RPS6KA2: variants seen among roughly 807,000 people sequenced by gnomAD.
The protein encoded by RPS6KA2 is ribosomal protein S6 kinase alpha-2.
A neutral mutation model predicts 91.8 loss-of-function variants in RPS6KA2; 42 were observed. The observed-to-expected ratio is 0.46, with a 90% confidence interval of 0.36 to 0.59. The LOEUF (loss-of-function observed/expected upper bound fraction) is 0.59. Among genes scored for constraint, RPS6KA2 ranks in the 20% least tolerant of loss-of-function variants. The pLI, the probability that RPS6KA2 is intolerant of heterozygous loss-of-function variation, is 0.00. For missense variants in RPS6KA2, 798 were observed against 978.5 expected (o/e 0.82, Z 2.46); for synonymous variants, 414 against 393.6 (o/e 1.05, Z -0.61).
At chr6:166,794,346 G>C (rs1307297074) in intron 2 of RPS6KA2, among the ~76,000 whole-genome samples, 29 of 152,074 alleles carry the variant, frequency 1.9e-4, no homozygotes, top group Non-Finnish European at 2.8e-4. Flanking sequence ...ATTAAAAAGT[G>C]AGGAAACAAC....
intron 1 of RPS6KA2, among the ~76,000 whole-genome samples, chr6:166,592,546 G>A (rs1331811229): frequency 2.6e-5 from 4 of 152,140 alleles, no homozygotes; most frequent in Non-Finnish European, 5.9e-5. Flanking sequence ...CCATTCTGCT[G>A]TAATGCCTGA....
At chr6:166,640,491 G>T (rs991674166) in intron 2 of RPS6KA2, among the ~76,000 whole-genome samples, 1 of 152,180 alleles carries the variant, frequency 6.6e-6, no homozygotes, top group African/African-American at 2.4e-5. Flanking sequence ...CTCATCAGGG[G>T]AGCTCGGGAG....
At chr6:166,754,488 C>G (rs2128600266) in intron 2 of RPS6KA2, among the ~76,000 whole-genome samples, 1 of 152,270 alleles carries the variant, frequency 6.6e-6, no homozygotes, top group East Asian at 1.9e-4. Flanking sequence ...TTCCCGTGGG[C>G]CCTGCTGCAC....
intron 2 of RPS6KA2, chr6:166,702,200 A>C: frequency 4.4e-6 from 7 of 1,607,238 alleles, no homozygotes; most frequent in Non-Finnish European, 6.0e-6. Flanking sequence ...TTTTCCTATA[A>C]TGGCTCCAAC....
At chr6:166,588,780 C>T (rs1785267839) in intron 1 of RPS6KA2, among the ~76,000 whole-genome samples, 1 of 152,212 alleles carries the variant, frequency 6.6e-6, no homozygotes, top group African/African-American at 2.4e-5. Context: ...CGAAGAGAGT[C>T]CAGCTGGGCA....
At chr6:166,506,563 A>G (rs1287697803) in intron 5 of RPS6KA2, among the ~76,000 whole-genome samples, 1 of 152,180 alleles carries the variant, frequency 6.6e-6, no homozygotes, top group African/African-American at 2.4e-5. Flanking sequence ...GCCTTTGTGT[A>G]GAGCTTGGAT....
chr6:166,862,067 C>T (rs1291216672), intron 1 of RPS6KA2: 2 of 1,613,742 alleles, frequency 1.2e-6, no homozygotes, highest in African/African-American at 1.3e-5. Flanking sequence ...AGTTCGGATT[C>T]TTGAGGATGC....
At position 166,733,761 on chromosome 6, in the gene RPS6KA2, A is replaced by G. The variant is rs1790598174; in HGVS notation, c.123+124439T>C. Among the ~76,000 whole-genome samples the G allele has an allele frequency of 6.6e-6, 1 of 152,200 alleles. No individual in the cohort carries two copies. The highest frequency in any genetic ancestry group is 2.4e-5 in the African/African-American group (1 of 41,452). ...AGTGGAGGCTGCCCTGGTAGGTGCCATCCCTAAACTGTTTGGGAGAGAAGA... is the reference window on the plus strand; with the variant it reads ...AGTGGAGGCTGCCCTGGTAGGTGCCGTCCCTAAACTGTTTGGGAGAGAAGA... On this transcript the variant is annotated intron_variant, in intron 2 of 21. Transcript: ENST00000503859. The surrounding 1 kb of genome is among the most constrained non-coding windows in gnomAD (Gnocchi z 4.1).
intron 2 of RPS6KA2, chr6:166,701,343 AG>A: frequency 6.5e-7 from 1 of 1,531,538 alleles, no homozygotes; most frequent in Non-Finnish European, 9.0e-7. Flanking sequence ...CCAGCAGCAA[AG>A]GATGGCACTC....
rs1790349703 is a variant in RPS6KA2, at chr6:166,726,707, C to A, written c.123+131493G>T. ...TGGCAGCATTGGAAAGTGACTCTTA[C>A]AACTTCAGTTGCGATACCGGTTTCC... On this transcript the variant is annotated intron_variant, in intron 2 of 21. Transcript: ENST00000503859. The surrounding 1 kb of genome is among the most constrained non-coding windows in gnomAD (Gnocchi z 4.4). 6.6e-6 allele frequency among the ~76,000 whole-genome samples: 1 copy of A among 152,218 alleles called. No homozygotes were observed. Among genetic ancestry groups the A allele is most frequent in the Non-Finnish European group, 1.5e-5 (1 of 68,042 alleles).
chr6:166,446,807 G>A (rs993465542), intron 14 of RPS6KA2, among the ~76,000 whole-genome samples: 5 of 152,148 alleles, frequency 3.3e-5, no homozygotes, highest in African/African-American at 1.2e-4. Flanking sequence ...TGAGCTCACT[G>A]GGAAGCAGTG....
intron 8 of RPS6KA2, among the ~76,000 whole-genome samples, chr6:166,496,754 T>C (rs1043143402): frequency 6.6e-6 from 1 of 152,186 alleles, no homozygotes. Flanking sequence ...CAGGAGCCCT[T>C]TCAGGGAGCC....
At chr6:166,681,424 C>G (rs984590021) in intron 2 of RPS6KA2, among the ~76,000 whole-genome samples, 1 of 152,198 alleles carries the variant, frequency 6.6e-6, no homozygotes, top group Non-Finnish European at 1.5e-5. Context: ...TAGATTCCGT[C>G]TTGACATAAG....
rs758625292 is a variant in RPS6KA2, at chr6:166,510,271, A to G, written c.379+6T>C. The stretch of plus-strand genomic sequence containing the variant: ...CTCTTTAAAGTGTCATTTTGACTCT[A>G]CTTACCATAATGAAGCTTCACAATG... On this transcript the variant is annotated splice_donor_region_variant and intron_variant, in intron 4 of 20. Transcript: ENST00000265678. The G allele has an allele frequency of 3.8e-6, 6 of 1,575,342 alleles. No homozygotes were observed. The highest frequency in any genetic ancestry group is 5.2e-6 in the Non-Finnish European group (6 of 1,148,020).
rs139552561 is a variant in RPS6KA2 at position 166,755,607 on chromosome 6, C to T, written c.123+102593G>A. Among the ~76,000 whole-genome samples the T allele has an allele frequency of 2.4e-3, 371 of 152,252 alleles. 1 individual carries two copies. The highest frequency in any genetic ancestry group is 8.6e-3 in the African/African-American group (357 of 41,548). Reference sequence around the variant, plus strand: ...TCCGCAGGGCTGGGGGTCCTTTCGACACGCACCATGGCTGCTGCGCTCCGG... The same window carrying T: ...TCCGCAGGGCTGGGGGTCCTTTCGATACGCACCATGGCTGCTGCGCTCCGG... On this transcript the variant is annotated intron_variant, in intron 2 of 21. Transcript: ENST00000503859.
chr6:166,538,280 TCTTTA>T (rs1020978464), intron 2 of RPS6KA2, among the ~76,000 whole-genome samples: 1 of 152,230 alleles, frequency 6.6e-6, no homozygotes, highest in Non-Finnish European at 1.5e-5. Flanking sequence ...TCTTTTCTTT[TCTTTA>T]TTCTTTTTTT....
Position 166,785,259 on chromosome 6 carries a change from C to T in RPS6KA2, c.123+72941G>A, listed in dbSNP as rs546923897. Among the ~76,000 whole-genome samples, 49 of 152,302 alleles carry T rather than the reference C, an allele frequency of 3.2e-4. No homozygotes were observed. In the South Asian group the frequency reaches 9.5e-3, roughly 30 times the overall value. On this transcript the variant is annotated intron_variant, in intron 2 of 21. Coordinates refer to the RPS6KA2 transcript ENST00000503859. ...CCCGGAAAGCAGGGGAGGGACTTGG[C>T]GCTTCTTCTCTTCACCCCTCATGTG...
chr6:166,458,191 C>T (rs1240045292), intron 12 of RPS6KA2, among the ~76,000 whole-genome samples: 1 of 152,174 alleles, frequency 6.6e-6, no homozygotes, highest in South Asian at 2.1e-4. Flanking sequence ...GTGTCCCTAC[C>T]CAAATCTCAT....
At chr6:166,471,030 A>G (rs1034797355) in intron 10 of RPS6KA2, among the ~76,000 whole-genome samples, 1 of 151,644 alleles carries the variant, frequency 6.6e-6, no homozygotes, top group Non-Finnish European at 1.5e-5. Context: ...AGGGCTGGGG[A>G]GGGTCTGATC....
Sources: gnomAD v4.1 joint callset for allele counts (sites outside exome capture counted in the v4.1 genomes callset) on GRCh38, gnomAD v4.1.1 for gene constraint, Gnocchi (gnomAD v3.1) non-coding constraint, MANE v1.5 for transcripts, NCBI Gene and HGNC (gene_info 2026-07-23, HGNC 2026-07-21) for gene names.